KSR2: variants seen among roughly 807,000 people sequenced by gnomAD.
The protein encoded by KSR2 is kinase suppressor of ras 2.
KSR2 carries 25 observed loss-of-function variants against 107.8 expected under a neutral mutation model. The ratio of observed to expected loss-of-function variants is 0.23; its 90% CI spans 0.17 to 0.32. KSR2 has a LOEUF of 0.32. Ranked by LOEUF, KSR2 falls within the 10% of genes least tolerant of loss-of-function variation. KSR2 has a pLI of 1.00. For missense variants in KSR2, 887 were observed against 1,268.9 expected, an observed-to-expected ratio of 0.70 and a Z score of 4.57; for synonymous variants, 480 against 507.0, an observed-to-expected ratio of 0.95 and a Z score of 0.71.
At chr12:117,906,471 T>C (rs755162525) in intron 1 of KSR2, among the ~76,000 whole-genome samples, 3 of 151,018 alleles carry the variant, frequency 2.0e-5, no homozygotes, top group African/African-American at 4.9e-5. Context: ...CTGGGCATGG[T>C]GGTACGCGCC....
At chr12:117,874,371 C>T (rs1049134327) in intron 1 of KSR2, among the ~76,000 whole-genome samples, 1 of 151,952 alleles carries the variant, frequency 6.6e-6, no homozygotes, top group Non-Finnish European at 1.5e-5. Context: ...TAGCTAGGAC[C>T]ACAAGCGTGT....
intron 4 of KSR2, among the ~76,000 whole-genome samples, chr12:117,670,338 C>T (rs1399534477): frequency 6.6e-6 from 1 of 152,188 alleles, no homozygotes; most frequent in Non-Finnish European, 1.5e-5. Context: ...ACTTAAGCGC[C>T]ATGGTAACCT....
chr12:117,642,391 G>A (rs1050845009), intron 5 of KSR2, among the ~76,000 whole-genome samples: 20 of 152,088 alleles, frequency 1.3e-4, no homozygotes, highest in African/African-American at 4.8e-4. Flanking sequence ...GTTGTCCTAG[G>A]GGAAAAGCCA....
At chr12:117,610,268 G>T (rs1881519815) in intron 5 of KSR2, among the ~76,000 whole-genome samples, 1 of 152,066 alleles carries the variant, frequency 6.6e-6, no homozygotes, top group South Asian at 2.1e-4. Context: ...TTCTAAAAAT[G>T]CCACCTAAGG....
At chr12:117,516,608 C>T (rs11068525) in intron 14 of KSR2, among the ~76,000 whole-genome samples, 3 of 152,058 alleles carry the variant, frequency 2.0e-5, no homozygotes, top group Non-Finnish European at 1.5e-5. Flanking sequence ...AGGCACTATG[C>T]TATAGTCTTT....
intron 5 of KSR2, among the ~76,000 whole-genome samples, chr12:117,582,682 C>CAAAACA (rs1338549624): frequency 6.6e-6 from 1 of 152,192 alleles, no homozygotes; most frequent in African/African-American, 2.4e-5. Flanking sequence ...GCTACATTCT[C>CAAAACA]AAAACAAACC....
rs575749615 is a variant in KSR2 at position 117,764,242 on chromosome 12, AT to A, written c.473-2719del. 1.7e-3 allele frequency among the ~76,000 whole-genome samples: 247 copies of A among 144,528 alleles called. 2 individuals are homozygous for A. Among genetic ancestry groups the A allele is most frequent in the Middle Eastern group, 7.2e-3 (2 of 278 alleles). 94.8% of individuals were successfully genotyped at this position (144,528 alleles called of 152,430 possible). ...GAGCCTTCCAGATGGTTTGGGGCGG[AT>A]TTTTTTTTTTTAAGGAAAAAAAAAT... On this transcript the variant is annotated intron_variant, in intron 3 of 19. Transcript: ENST00000339824.
intron 1 of KSR2, among the ~76,000 whole-genome samples, chr12:117,908,736 A>G (rs892434062): frequency 9.2e-5 from 14 of 152,232 alleles, no homozygotes; most frequent in Non-Finnish European, 1.9e-4. Context: ...CGCATCAAAG[A>G]CATCCAAGGC....
intron 4 of KSR2, among the ~76,000 whole-genome samples, chr12:117,728,554 A>G (rs897950897): frequency 3.9e-5 from 6 of 152,194 alleles, no homozygotes; most frequent in Admixed American, 2.6e-4. Context: ...CCCACACTTC[A>G]GGAATAATCT....
Position 117,525,121 on chromosome 12 carries a change from G to A in KSR2, c.1950C>T (p.Ser650=). Residue 650 remains serine, a synonymous_variant, in exon 14 of 20, where the codon AGC becomes AGT. Coordinates refer to ENST00000339824, the MANE Select transcript of KSR2 (RefSeq NM_173598.6). The part of the protein sequence containing the change: ...LSARSFPRKA[S]QTSIFLQEWD... ...ACTCCTGAAGGAAGATGCTGGTCTGGCTGGCCTTGCGTGGGAAGCTCCGGG... is the reference window on the plus strand; with the variant it reads ...ACTCCTGAAGGAAGATGCTGGTCTGACTGGCCTTGCGTGGGAAGCTCCGGG... 1.2e-6 allele frequency: 2 copies of A among 1,614,012 alleles called. No individual in the cohort carries two copies. The highest frequency in any genetic ancestry group is 1.7e-6 in the Non-Finnish European group (2 of 1,179,876).
chr12:117,658,353 G>T (rs990122947), intron 5 of KSR2, among the ~76,000 whole-genome samples: 1 of 152,238 alleles, frequency 6.6e-6, no homozygotes, highest in African/African-American at 2.4e-5. Flanking sequence ...GCATAGTTTG[G>T]ACAAGGGTGG....
At chr12:117,519,578 G>A (rs1201913957) in intron 14 of KSR2, among the ~76,000 whole-genome samples, 1 of 152,106 alleles carries the variant, frequency 6.6e-6, no homozygotes, top group African/African-American at 2.4e-5. Context: ...GGTGACGTGG[G>A]GGCTTCTGTG....
intron 17 of KSR2, among the ~76,000 whole-genome samples, chr12:117,473,394 C>G (rs1441835028): frequency 6.6e-6 from 1 of 152,190 alleles, no homozygotes. Flanking sequence ...GGTTGTGTGT[C>G]TTTCCCAAGA....
intron 9 of KSR2, among the ~76,000 whole-genome samples, chr12:117,549,035 G>C (rs568254592): frequency 7.2e-4 from 110 of 152,298 alleles, no homozygotes; most frequent in Non-Finnish European, 7.6e-4. Flanking sequence ...TTTAGGCAAG[G>C]TTATGCTGTA....
At chr12:117,692,964 G>GAA (rs1172799748) in intron 4 of KSR2, among the ~76,000 whole-genome samples, 1 of 152,162 alleles carries the variant, frequency 6.6e-6, no homozygotes, top group Non-Finnish European at 1.5e-5. Flanking sequence ...AAATATTCTG[G>GAA]AACTATTTAG....
At chr12:117,470,216 CCA>C in intron 18 of KSR2, among the ~76,000 whole-genome samples, 4 of 149,214 alleles carry the variant, frequency 2.7e-5, no homozygotes, top group South Asian at 4.2e-4. Flanking sequence ...ATCCATCCAT[CCA>C]TCCATCCATC....
At chr12:117,554,395 G>T (rs1329129184) in intron 9 of KSR2, among the ~76,000 whole-genome samples, 1 of 152,168 alleles carries the variant, frequency 6.6e-6, no homozygotes, top group Non-Finnish European at 1.5e-5. Flanking sequence ...CTCAGAAATA[G>T]ACCCCTATTC....
intron 1 of KSR2, among the ~76,000 whole-genome samples, chr12:117,884,137 C>T (rs1894107171): frequency 6.6e-6 from 1 of 152,132 alleles, no homozygotes; most frequent in Non-Finnish European, 1.5e-5. Context: ...AGGCTCCAGA[C>T]AATGAAGGGC....
chr12:117,731,251 G>C (rs1347005483), intron 4 of KSR2, among the ~76,000 whole-genome samples: 1 of 150,330 alleles, frequency 6.7e-6, no homozygotes, highest in African/African-American at 2.5e-5. Context: ...CGTCTGGGAA[G>C]TGAGGAGCCC....
Sources: allele counts gnomAD v4.1 joint callset (sites outside exome capture counted in the v4.1 genomes callset), GRCh38; gene constraint gnomAD v4.1.1; transcripts MANE v1.5; gene names NCBI Gene and HGNC (gene_info 2026-07-23, HGNC 2026-07-21).